Variants in GAS7 observed in about 807,000 individuals in gnomAD.
GAS7 encodes growth arrest specific 7, also known as growth arrest-specific protein 7.
GAS7 carries 28 observed loss-of-function variants against 71.1 expected under a neutral mutation model. That is an observed-to-expected ratio of 0.39 (90% confidence interval 0.29 to 0.54). The LOEUF is 0.54. GAS7 is among the 20% of genes least tolerant of loss of function. The pLI, the probability that GAS7 is intolerant of heterozygous loss-of-function variation, is 0.62. For synonymous variants in GAS7, 258 were observed against 245.8 expected, an observed-to-expected ratio of 1.05 and a Z score of -0.46; for missense variants, 436 against 627.8, an observed-to-expected ratio of 0.69 and a Z score of 3.27.
chr17:10,081,570 G>A (rs745362153), intron 1 of GAS7, among the ~76,000 whole-genome samples: 8 of 152,102 alleles, frequency 5.3e-5, no homozygotes, highest in Non-Finnish European at 8.8e-5. Context: ...AAAATGAAGC[G>A]GTAAAGCAAT....
intron 1 of GAS7, among the ~76,000 whole-genome samples, chr17:10,144,307 A>T (rs1486728197): frequency 6.6e-6 from 1 of 152,194 alleles, no homozygotes; most frequent in Non-Finnish European, 1.5e-5. Context: ...CCAGGAGGAC[A>T]GGTGAGCCTC....
chr17:10,059,433 T>C (rs2073192836), intron 1 of GAS7, among the ~76,000 whole-genome samples: 1 of 152,186 alleles, frequency 6.6e-6, no homozygotes, highest in Non-Finnish European at 1.5e-5. Flanking sequence ...CCTGCCCAAG[T>C]GGCTTTCTCT....
In GAS7 at chr17:10,043,982, G is replaced by C. The variant is rs138261111; in HGVS notation, c.184-24085C>G. On this transcript the variant is annotated intron_variant, in intron 1 of 13. Transcript: ENST00000432992. ...AAAGAGAAAATACACCTACAGTACTGTACTGTATTTACTGATGCCATAAGT... is the reference window on the plus strand; with the variant it reads ...AAAGAGAAAATACACCTACAGTACTCTACTGTATTTACTGATGCCATAAGT... Among the ~76,000 whole-genome samples the C allele has an allele frequency of 3.3e-4, 51 of 152,262 alleles. 1 individual carries two copies. Among genetic ancestry groups the C allele is most frequent in the African/African-American group, 1.2e-3 (48 of 41,554 alleles).
At position 9,914,762 on chromosome 17, in the gene GAS7, G is replaced by C. The variant is rs2067536404; in HGVS notation, c.*2466C>G. 4.4e-6 allele frequency: 1 copy of C among 226,730 alleles called. No homozygotes were observed. The highest frequency in any genetic ancestry group is 6.3e-5 in the East Asian group (1 of 15,764). 14.0% of individuals were successfully genotyped at this position (226,730 alleles called of 1,614,324 possible). ...TTCTCAGTCGACATGGAGAATAGAG[G>C]AGAGCAGAGGAATGCCCATCTTACA... On this transcript the variant is annotated 3_prime_UTR_variant, in exon 14 of 14. Transcript: ENST00000432992.
intron 1 of GAS7, among the ~76,000 whole-genome samples, chr17:10,116,373 T>C (rs1374255357): frequency 6.6e-6 from 1 of 151,904 alleles, no homozygotes; most frequent in Non-Finnish European, 1.5e-5. Flanking sequence ...CTGACAGTGC[T>C]CATCTGTAAG....
intron 1 of GAS7, among the ~76,000 whole-genome samples, chr17:10,120,669 G>A (rs1009595093): frequency 4.6e-5 from 7 of 152,244 alleles, no homozygotes; most frequent in Admixed American, 1.3e-4. Context: ...CCAAGATCGC[G>A]TCATTGCACT....
At chr17:9,985,570 A>T (rs570496839) in intron 2 of GAS7, among the ~76,000 whole-genome samples, 1 of 152,350 alleles carries the variant, frequency 6.6e-6, no homozygotes, top group South Asian at 2.1e-4. Flanking sequence ...TCTTCCCTGC[A>T]AAGAGTTCTT....
At chr17:9,987,118 T>C (rs988900314) in intron 2 of GAS7, among the ~76,000 whole-genome samples, 8 of 152,324 alleles carry the variant, frequency 5.3e-5, no homozygotes, top group Admixed American at 3.9e-4. Flanking sequence ...AGATGCTGGA[T>C]TGAGACCCTT....
intron 7 of GAS7, among the ~76,000 whole-genome samples, chr17:9,941,002 C>T (rs755045973): frequency 2.0e-5 from 3 of 152,228 alleles, no homozygotes; most frequent in Non-Finnish European, 2.9e-5. Context: ...GTCCACCACA[C>T]GGTGAACAGA....
At chr17:9,945,995 A>G (rs2068773106) in intron 6 of GAS7, among the ~76,000 whole-genome samples, 1 of 152,010 alleles carries the variant, frequency 6.6e-6, no homozygotes. Context: ...CAAAAAATCC[A>G]TTCTTGCAAA....
In GAS7 at chr17:10,057,312, C is replaced by T. The variant is rs554410716; in HGVS notation, c.184-37415G>A. ...GCTGCCCAGTCTGGGAAGTGAGGAGCGCCTCTTCCCAGCTGCCATCCCATC... is the reference window on the plus strand; with the variant it reads ...GCTGCCCAGTCTGGGAAGTGAGGAGTGCCTCTTCCCAGCTGCCATCCCATC... On this transcript the variant is annotated intron_variant, in intron 1 of 13. Transcript: ENST00000432992. Among the ~76,000 whole-genome samples, 15 of 151,360 alleles carry T rather than the reference C, an allele frequency of 9.9e-5. No homozygotes were observed. In the South Asian group the frequency reaches 1.3e-3, roughly 13 times the overall value.
intron 11 of GAS7, among the ~76,000 whole-genome samples, chr17:9,925,235 T>C (rs2067954500): frequency 6.6e-6 from 1 of 152,300 alleles, no homozygotes; most frequent in East Asian, 1.9e-4. Context: ...GCCTCTACCA[T>C]GCCCCAGAAC....
At chr17:10,143,120 T>C (rs1451144094) in intron 1 of GAS7, among the ~76,000 whole-genome samples, 1 of 152,108 alleles carries the variant, frequency 6.6e-6, no homozygotes, top group African/African-American at 2.4e-5. Flanking sequence ...ACTCGGAGGT[T>C]TCAGTGAGCT....
intron 1 of GAS7, among the ~76,000 whole-genome samples, chr17:10,053,260 C>G (rs553171514): frequency 1.3e-5 from 2 of 152,298 alleles, no homozygotes; most frequent in South Asian, 4.1e-4. Context: ...CTTCGCGAGC[C>G]TGGGGCCCTC....
At chr17:9,954,496 T>C (rs1305928893) in intron 5 of GAS7, among the ~76,000 whole-genome samples, 3 of 149,904 alleles carry the variant, frequency 2.0e-5, no homozygotes, top group African/African-American at 4.9e-5. Context: ...TGGGGGGTCA[T>C]GATAGCAGCT....
intron 9 of GAS7, chr17:9,927,010 A>G (rs2068027756): frequency 8.7e-6 from 4 of 459,738 alleles, no homozygotes; most frequent in Non-Finnish European, 1.6e-5. Flanking sequence ...AGTGGTTAGC[A>G]ACTAGAGCCT....
intron 9 of GAS7, among the ~76,000 whole-genome samples, chr17:9,930,590 C>T (rs1030989395): frequency 6.6e-6 from 1 of 152,230 alleles, no homozygotes; most frequent in East Asian, 1.9e-4. Context: ...CTTTAGCAAT[C>T]TGTTGCTATT....
chr17:10,155,531 G>A (rs902931769), intron 1 of GAS7, among the ~76,000 whole-genome samples: 3 of 152,128 alleles, frequency 2.0e-5, no homozygotes, highest in African/African-American at 7.2e-5. Flanking sequence ...CAAATGGCCA[G>A]CCTCCAAATA....
chr17:9,950,716 C>A (rs1397252464), intron 5 of GAS7, among the ~76,000 whole-genome samples: 1 of 151,868 alleles, frequency 6.6e-6, no homozygotes, highest in Non-Finnish European at 1.5e-5. Flanking sequence ...ATTAGCCGGG[C>A]ATGGTGGTGG....
Sources: gnomAD v4.1 joint callset for allele counts (sites outside exome capture counted in the v4.1 genomes callset) on GRCh38, gnomAD v4.1.1 for gene constraint, MANE v1.5 for transcripts, NCBI Gene and HGNC (gene_info 2026-07-23, HGNC 2026-07-21) for gene names.